RBM41: variants seen among roughly 807,000 people sequenced by gnomAD.
RBM41 encodes the protein RNA-binding protein 41.
Under a neutral mutation model 30.8 loss-of-function variants are expected in RBM41, and 14 were observed. That is an observed-to-expected ratio of 0.45 (90% CI 0.30 to 0.71). The LOEUF (loss-of-function observed/expected upper bound fraction) is 0.71, where lower values mean the gene tolerates loss of function less well. Ranked by LOEUF, RBM41 falls within the 30% of genes least tolerant of loss-of-function variation. RBM41 has a pLI of 0.08. For missense variants in RBM41, 276 were observed against 326.3 expected (o/e 0.85, Z 1.19); for synonymous variants, 120 against 110.1 (o/e 1.09, Z -0.56).
intron 2 of RBM41, among the ~76,000 whole-genome samples, chrX:107,116,408 T>G (rs932638885): frequency 1.8e-5 from 2 of 111,693 alleles, no homozygotes; most frequent in Non-Finnish European, 3.8e-5. Context: ...GGGTTACAAG[T>G]GCTATGTTAA....
At chrX:107,057,592 G>A (rs373876707), downstream of RBM41, among the ~76,000 whole-genome samples, 7 of 111,998 alleles carry the variant, frequency 6.3e-5, no homozygotes, top group Middle Eastern at 4.6e-3. Context: ...TCTTCCATGC[G>A]CACTGGAGAA....
At chrX:107,073,119 C>A (rs761157937) in intron 6 of RBM41, among the ~76,000 whole-genome samples, 1 of 111,523 alleles carries the variant, frequency 9.0e-6, no homozygotes, top group Non-Finnish European at 1.9e-5. Flanking sequence ...AAAGCACAGG[C>A]AACGAAAGCA....
In RBM41 at chrX:107,065,827, T is replaced by G; in HGVS notation, c.*1700A>C. 9.8e-7 allele frequency: 1 copy of G among 1,020,103 alleles called. No individual in the cohort carries two copies. The highest frequency in any genetic ancestry group is 1.3e-6 in the Non-Finnish European group (1 of 776,523). The allele number at this position is 1,020,103 out of a possible 1,213,427, so 84.1% of individuals were successfully genotyped here. ...ACGATGCAACTATATACATATTGTT[T>G]TATACAACTGTGTTTTACATTAGTT... is the stretch of plus-strand genomic sequence containing the variant. On this transcript the variant is annotated 3_prime_UTR_variant, in exon 8 of 8. Transcript: ENST00000685964.
At chrX:107,092,585 AAAAAAAAT>A (rs1569337063) in intron 5 of RBM41, among the ~76,000 whole-genome samples, 1 of 111,239 alleles carries the variant, frequency 9.0e-6, no homozygotes. Flanking sequence ...TCTCTAAATT[AAAAAAAAT>A]AATAAAATAA....
rs766580415 is a variant in RBM41 at position 107,084,972 on chromosome X, T to C, written c.999+3464A>G. Reference sequence around the variant, plus strand: ...CAAATTGATACCTATAATTCTATTTTATTCATTTTCTCTACTGTGTAGTAT... The same window carrying C: ...CAAATTGATACCTATAATTCTATTTCATTCATTTTCTCTACTGTGTAGTAT... On this transcript the variant is annotated intron_variant, in intron 6 of 7. Coordinates refer to ENST00000685964, the MANE Select transcript of RBM41 (RefSeq NM_001324242.2). 8.0e-5 allele frequency among the ~76,000 whole-genome samples: 9 copies of C among 111,974 alleles called. No individual in the cohort carries two copies. In the South Asian group the frequency reaches 3.0e-3, roughly 37 times the overall value.
chrX:107,112,874 G>A (rs1201629399), intron 5 of RBM41: 2 of 329,488 alleles, frequency 6.1e-6, no homozygotes, highest in South Asian at 5.3e-5. Flanking sequence ...AGGAATTATG[G>A]TGGGTTGGGA....
At position 107,103,836 on chromosome X, in the gene RBM41, G is replaced by A. The variant is rs73517314; in HGVS notation, c.595+9561C>T. On this transcript the variant is annotated intron_variant, in intron 5 of 7. Transcript: ENST00000685964. ...TCACAACACTAGTTGCCTCTGAGAG[G>A]GTAGGATGGGAATTACTGGAAAGAA... Among the ~76,000 whole-genome samples, 394 of 111,468 alleles carry A rather than the reference G, an allele frequency of 3.5e-3. 3 individuals carry two copies. Among genetic ancestry groups the A allele is most frequent in the African/African-American group, 0.012 (378 of 30,691 alleles).
intron 6 of RBM41, among the ~76,000 whole-genome samples, chrX:107,070,799 A>G (rs1051945250): frequency 9.0e-6 from 1 of 110,752 alleles, no homozygotes; most frequent in Non-Finnish European, 1.9e-5. Flanking sequence ...AGATGAGAGG[A>G]TCGCTTGAGT....
intron 5 of RBM41, among the ~76,000 whole-genome samples, chrX:107,104,477 A>C (rs1923764037): frequency 9.0e-6 from 1 of 111,478 alleles, no homozygotes; most frequent in Non-Finnish European, 1.9e-5. Flanking sequence ...AGAATAGAAA[A>C]AATCTTTTCC....
intron 6 of RBM41, among the ~76,000 whole-genome samples, chrX:107,086,009 C>T (rs1023103956): frequency 5.4e-5 from 6 of 111,704 alleles, no homozygotes; most frequent in Non-Finnish European, 1.1e-4. Flanking sequence ...TATGAAAAAA[C>T]AAACGATTAA....
chrX:107,091,798 C>G (rs1311995189), intron 5 of RBM41, among the ~76,000 whole-genome samples: 2 of 112,087 alleles, frequency 1.8e-5, no homozygotes, highest in African/African-American at 6.5e-5. Context: ...CTTTTTTGCA[C>G]TTAACAATAT....
intron 5 of RBM41, among the ~76,000 whole-genome samples, chrX:107,113,164 T>C (rs1351166452): frequency 1.8e-5 from 2 of 111,615 alleles, no homozygotes; most frequent in Non-Finnish European, 3.8e-5. Flanking sequence ...AAGGTCAATT[T>C]ATGTCTGGTA....
At chrX:107,075,147 T>C (rs1204760001) in intron 6 of RBM41, among the ~76,000 whole-genome samples, 1 of 111,898 alleles carries the variant, frequency 8.9e-6, no homozygotes, top group Admixed American at 9.5e-5. Flanking sequence ...GTCCCAAGAA[T>C]ATAACATGAG....
rs146746942 is a variant in RBM41, at chrX:107,069,302, C to T, written c.1100G>A (p.Arg367Gln). 5 of 1,209,799 alleles carry T rather than the reference C, an allele frequency of 4.1e-6. No homozygotes were observed. Among genetic ancestry groups the T allele is most frequent in the Non-Finnish European group, 5.6e-6 (5 of 894,862 alleles). The change falls in exon 7 of 8, where the codon CGA becomes CAA. Residue 367 changes from arginine (R) to glutamine (Q), a missense_variant. Arg to Gln is a conservative substitution (Grantham distance 43, BLOSUM62 1). Coordinates refer to ENST00000685964, the MANE Select transcript of RBM41 (RefSeq NM_001324242.2). ...GCCCCTCATTCGTCCAGTCATCATT[C>T]GGAATTGAATTGGAGGTCCTTTTTT... ...QEKKGPPIQF[R>Q]MMTGRMRGQA... is the part of the protein sequence containing the mutation.
intron 5 of RBM41, 154 bp downstream of exon 5, chrX:107,113,243 C>T: frequency 1.5e-6 from 1 of 646,908 alleles, no homozygotes; most frequent in Non-Finnish European, 2.0e-6. Flanking sequence ...TCTACTAACT[C>T]CTCTCTTTAA....
chrX:107,082,161 C>T (rs1227944278), intron 6 of RBM41, among the ~76,000 whole-genome samples: 1 of 111,288 alleles, frequency 9.0e-6, no homozygotes, highest in African/African-American at 3.3e-5. Context: ...TGCAGATATT[C>T]TTTATCAAGT....
downstream of RBM41, among the ~76,000 whole-genome samples, chrX:107,061,733 C>T (rs778977075): frequency 9.1e-6 from 1 of 110,294 alleles, no homozygotes; most frequent in Non-Finnish European, 1.9e-5. Context: ...CATGAGCCAC[C>T]GTGCCTGGCC....
chrX:107,065,676 C>T lies in RBM41; in HGVS notation c.*1851G>A. On this transcript the variant is annotated 3_prime_UTR_variant, in exon 8 of 8. Coordinates refer to ENST00000685964, the MANE Select transcript of RBM41 (RefSeq NM_001324242.2). ...CTTATTTCCTATTTCACGTTCTCTC[C>T]ATTTGTTCCTGTGGATTTGTCTTAC... is the stretch of plus-strand genomic sequence containing the variant. The T allele has an allele frequency of 1.9e-6, 2 of 1,055,376 alleles. No individual in the cohort carries two copies. Among genetic ancestry groups the T allele is most frequent in the South Asian group, 2.5e-5 (1 of 40,283 alleles). The allele number at this position is 1,055,376 out of a possible 1,213,427, so 87.0% of individuals were successfully genotyped here. A position where few individuals can be genotyped will look rare whatever the true frequency, so the allele number is the denominator to read the frequency against.
At chrX:107,106,242 T>C (rs1439612426) in intron 5 of RBM41, among the ~76,000 whole-genome samples, 1 of 112,176 alleles carries the variant, frequency 8.9e-6, no homozygotes, top group African/African-American at 3.3e-5. Context: ...AGAAGACATT[T>C]ATGCAGCCAA....
Sources: gnomAD v4.1 joint callset for allele counts (sites outside exome capture counted in the v4.1 genomes callset) on GRCh38, gnomAD v4.1.1 for gene constraint, MANE v1.5 for transcripts, NCBI Gene and HGNC (gene_info 2026-07-23, HGNC 2026-07-21) for gene names.